TAMM41: variants seen among roughly 807,000 people sequenced by gnomAD.
TAMM41 encodes the protein TAM41 mitochondrial translocator assembly and maintenance homolog.
In TAMM41, 36 loss-of-function variants were observed where a neutral mutation model predicts 44.1. The ratio of observed to expected loss-of-function variants is 0.82; its 90% CI spans 0.63 to 1.08. TAMM41 has a LOEUF of 1.08. Among genes scored for constraint, TAMM41 ranks in the 50% least tolerant of loss-of-function variants. TAMM41 has a pLI of 0.00. For missense variants in TAMM41, 417 were observed against 404.3 expected (o/e 1.03, Z -0.27); for synonymous variants, 164 against 153.1 (o/e 1.07, Z -0.53).
At chr3:11,722,378 G>A in the TAMM41 span, among the ~76,000 whole-genome samples, 1 of 151,976 alleles carries the variant, frequency 6.6e-6, no homozygotes, top group Non-Finnish European at 1.5e-5. Flanking sequence ...TAAGAAAAAG[G>A]GGGGTTGTTG....
At chr3:11,768,766 G>T in the TAMM41 span, among the ~76,000 whole-genome samples, 1 of 152,172 alleles carries the variant, frequency 6.6e-6, no homozygotes, top group Non-Finnish European at 1.5e-5. Context: ...CTGATTTCCA[G>T]TAGCTCACTA....
chr3:11,817,713 A>G (rs1434403630), intron 4 of TAMM41, among the ~76,000 whole-genome samples: 1 of 152,186 alleles, frequency 6.6e-6, no homozygotes, highest in Non-Finnish European at 1.5e-5. Flanking sequence ...GCTGTGCACC[A>G]TCACTGTAGA....
chr3:11,763,809 C>T, the TAMM41 span, among the ~76,000 whole-genome samples: 1 of 152,192 alleles, frequency 6.6e-6, no homozygotes, highest in Non-Finnish European at 1.5e-5. Context: ...GTACCCAAAC[C>T]CAGATCTTTC....
intron 5 of TAMM41, among the ~76,000 whole-genome samples, chr3:11,815,588 A>C (rs746257686): frequency 2.0e-5 from 3 of 152,210 alleles, no homozygotes; most frequent in Non-Finnish European, 2.9e-5. Context: ...TAAACATTGA[A>C]TATTAAGCTA....
intron 7 of TAMM41, among the ~76,000 whole-genome samples, chr3:11,792,811 C>G (rs1326940111): frequency 1.3e-5 from 2 of 152,056 alleles, no homozygotes; most frequent in Non-Finnish European, 2.9e-5. Flanking sequence ...GCCATAATCC[C>G]AACACTTAGG....
intron 5 of TAMM41, among the ~76,000 whole-genome samples, chr3:11,812,879 T>C (rs945000198): frequency 1.6e-4 from 24 of 151,910 alleles, no homozygotes; most frequent in Non-Finnish European, 2.9e-5. Context: ...AAGTGATAGA[T>C]GAGGGTGAAG....
chr3:11,803,091 G>C (rs1057473257), intron 7 of TAMM41, among the ~76,000 whole-genome samples: 1 of 152,168 alleles, frequency 6.6e-6, no homozygotes, highest in African/African-American at 2.4e-5. Flanking sequence ...GGCCAACATG[G>C]TGAAACTCCG....
the TAMM41 span, among the ~76,000 whole-genome samples, chr3:11,746,378 G>T: frequency 6.6e-6 from 1 of 151,394 alleles, no homozygotes; most frequent in Admixed American, 6.6e-5. Context: ...GTTTACCCAA[G>T]AGAAATGTAA....
the TAMM41 span, among the ~76,000 whole-genome samples, chr3:11,776,781 C>A: frequency 2.0e-3 from 307 of 152,268 alleles, no homozygotes; most frequent in Middle Eastern, 0.02. Flanking sequence ...GGACGCAGCC[C>A]CATTGTAAGT....
At chr3:11,759,449 T>C in the TAMM41 span, among the ~76,000 whole-genome samples, 1 of 151,900 alleles carries the variant, frequency 6.6e-6, no homozygotes, top group Admixed American at 6.6e-5. Flanking sequence ...CTCAAGCTCC[T>C]ACCCCAGCAC....
At chr3:11,799,224 C>T (rs1354529565) in intron 7 of TAMM41, among the ~76,000 whole-genome samples, 1 of 151,980 alleles carries the variant, frequency 6.6e-6, no homozygotes, top group Non-Finnish European at 1.5e-5. Context: ...TACACCATTG[C>T]ACTCTGGCCT....
intron 2 of TAMM41, among the ~76,000 whole-genome samples, chr3:11,840,556 T>C (rs954371947): frequency 2.0e-5 from 3 of 151,976 alleles, no homozygotes; most frequent in African/African-American, 7.3e-5. Flanking sequence ...TTTACAGCAA[T>C]ACCACAGTCA....
the TAMM41 span, among the ~76,000 whole-genome samples, chr3:11,730,472 C>A: frequency 6.7e-6 from 1 of 150,142 alleles, no homozygotes; most frequent in Non-Finnish European, 1.5e-5. Flanking sequence ...CGGTGGCTCA[C>A]GCCTGTAATC....
chr3:11,766,777 C>T, the TAMM41 span, among the ~76,000 whole-genome samples: 111 of 152,088 alleles, frequency 7.3e-4, no homozygotes, highest in Admixed American at 9.8e-4. Flanking sequence ...ACTTTGTTGC[C>T]CAGGCTGGTC....
intron 4 of TAMM41, among the ~76,000 whole-genome samples, chr3:11,825,115 A>C (rs1414586550): frequency 6.6e-6 from 1 of 152,204 alleles, no homozygotes; most frequent in Non-Finnish European, 1.5e-5. Context: ...GCCTGGGTTC[A>C]AATGCTAGCT....
chr3:11,791,923 T>G (rs1394526690), intron 7 of TAMM41, among the ~76,000 whole-genome samples: 1 of 152,112 alleles, frequency 6.6e-6, no homozygotes, highest in Non-Finnish European at 1.5e-5. Flanking sequence ...CCCCACCCAC[T>G]TCAGCATTGA....
chr3:11,807,485 G>A (rs1293950108), intron 7 of TAMM41: 1 of 1,536,102 alleles, frequency 6.5e-7, no homozygotes, highest in Non-Finnish European at 8.7e-7. Context: ...CTCAGAGAAG[G>A]GGAAGAGGAG....
At chr3:11,822,319 C>T (rs751964621) in intron 4 of TAMM41, among the ~76,000 whole-genome samples, 1 of 152,122 alleles carries the variant, frequency 6.6e-6, no homozygotes, top group Non-Finnish European at 1.5e-5. Flanking sequence ...AATTCACATA[C>T]CATGTAATTC....
chr3:11,802,951 A>G (rs2077795821), intron 7 of TAMM41, among the ~76,000 whole-genome samples: 1 of 152,222 alleles, frequency 6.6e-6, no homozygotes, highest in South Asian at 2.1e-4. Context: ...GACAAAAACC[A>G]CATGATTGTC....
Sources: allele counts gnomAD v4.1 joint callset (sites outside exome capture counted in the v4.1 genomes callset), GRCh38; gene constraint gnomAD v4.1.1; transcripts MANE v1.5; gene names NCBI Gene and HGNC (gene_info 2026-07-23, HGNC 2026-07-21).